The following COL9A3 variants were observed in gnomAD, a reference collection of about 807,000 sequenced individuals.
The protein encoded by COL9A3 is collagen alpha-3(IX) chain.
A neutral mutation model predicts 110.2 loss-of-function variants in COL9A3; 82 were observed. The ratio of observed to expected loss-of-function variants is 0.74; its 90% confidence interval spans 0.62 to 0.89. COL9A3 has a LOEUF of 0.89. Among genes scored for constraint, COL9A3 ranks in the 40% least tolerant of loss-of-function variants. The pLI is 0.00. For missense variants in COL9A3, 1,066 were observed against 981.3 expected (o/e 1.09, Z -1.15); for synonymous variants, 494 against 403.8 (o/e 1.22, Z -2.68).
chr20:62,819,247 C>T lies in COL9A3; in HGVS notation c.209C>T (p.Pro70Leu), dbSNP rs143307835. ...GGACCAAAGGGGGCCCCAGGAAAGC[C>T]GGGGAAACCAGGAGAGGCTGGGCTG... Reference protein sequence around the residue: ...PPGPKGAPGKPGKPGEAGLPG... With the variant: ...PPGPKGAPGKLGKPGEAGLPG... The change falls in exon 4 of 32, where the codon CCG becomes CTG. Residue 70 changes from proline to leucine, a missense_variant. By Grantham distance (98) the Pro-to-Leu change is moderately conservative. Coordinates refer to ENST00000649368, the MANE Select transcript of COL9A3 (RefSeq NM_001853.4). 2.4e-3 allele frequency: 3,936 copies of T among 1,612,712 alleles called. 93 individuals are homozygous for T. Among genetic ancestry groups the T allele is most frequent in the Middle Eastern group, 1.8e-3 (11 of 6,012 alleles).
rs1404631585 is a variant in COL9A3 at position 62,819,431 on chromosome 20, C to T, written c.255+138C>T. ...CCTGAGAGAAGTCTCCAGAAGTCCC[C>T]AACAGGGGTCCTTTGGCCTTCATCC... On this transcript the variant is annotated intron_variant, in intron 4 of 31. Transcript: ENST00000649368. 2.1e-5 allele frequency: 17 copies of T among 822,896 alleles called. No homozygotes were observed. In the East Asian group the frequency reaches 4.5e-4, roughly 22 times the overall value. 51.0% of individuals were successfully genotyped at this position (822,896 alleles called of 1,614,324 possible).
chr20:62,828,678 G>A, intron 17 of COL9A3, 86 bp from the exon 18 acceptor site: 1 of 1,461,480 alleles, frequency 6.8e-7, no homozygotes, highest in Non-Finnish European at 9.5e-7. Context: ...TAGGTTGATG[G>A]GGAAGGAGGC....
chr20:62,822,737 C>T (rs1379190362), intron 10 of COL9A3, 105 bp downstream of exon 10: 1 of 1,239,868 alleles, frequency 8.1e-7, no homozygotes, highest in South Asian at 1.2e-5. Context: ...GAAGGCAGGG[C>T]CCGAGCCCTC....
At chr20:62,816,300 G>T (rs1990902657), upstream of COL9A3, 1 of 152,262 alleles carries the variant, frequency 6.6e-6, no homozygotes, top group Non-Finnish European at 1.5e-5. Flanking sequence ...AAATGGACAT[G>T]GCCAGCACCG....
At chr20:62,816,216 T>G (rs1330732591), upstream of COL9A3, 1 of 152,126 alleles carries the variant, frequency 6.6e-6, no homozygotes, top group Non-Finnish European at 1.5e-5. Context: ...AAGCTTTGAG[T>G]CCCCTAGGGC....
rs200730046 is a variant in COL9A3, at chr20:62,828,846, A to C, written c.954+29A>C. ...GGCATGGGGCTCAGGGTGTGACGGGAGGGAGGGGGCTGGAGGGGAGTTCGG... is the reference window on the plus strand; with the variant it reads ...GGCATGGGGCTCAGGGTGTGACGGGCGGGAGGGGGCTGGAGGGGAGTTCGG... On this transcript the variant is annotated intron_variant, in intron 18 of 31. Coordinates refer to ENST00000649368, the MANE Select transcript of COL9A3 (RefSeq NM_001853.4). The C allele has an allele frequency of 8.5e-4, 1,373 of 1,612,492 alleles. 23 individuals carry two copies. The African/African-American group carries it at 0.017, about 20-fold the overall frequency.
At chr20:62,822,844 G>A (rs138160139) in intron 10 of COL9A3, among the ~76,000 whole-genome samples, 5 of 145,114 alleles carry the variant, frequency 3.4e-5, no homozygotes, top group Admixed American at 2.0e-4. Context: ...CCTCACCACC[G>A]TCTAGACCTG....
At position 62,835,559 on chromosome 20, in the gene COL9A3, C is replaced by G. The variant is rs192736391; in HGVS notation, c.1369-362C>G. Among the ~76,000 whole-genome samples the G allele has an allele frequency of 2.9e-3, 448 of 152,282 alleles. 2 individuals carry two copies. Among genetic ancestry groups the G allele is most frequent in the African/African-American group, 9.9e-3 (410 of 41,552 alleles). ...GTGTGTTGACGCACCTGGGGCCAGTCATTCCTGAGGACCCAGCTGGAGGGG... is the reference window on the plus strand; with the variant it reads ...GTGTGTTGACGCACCTGGGGCCAGTGATTCCTGAGGACCCAGCTGGAGGGG... On this transcript the variant is annotated intron_variant, in intron 26 of 31. Coordinates refer to ENST00000649368, the MANE Select transcript of COL9A3 (RefSeq NM_001853.4).
At chr20:62,826,122 G>T (rs1391864322) in intron 13 of COL9A3, 82 bp from the exon 14 acceptor site, 2 of 1,437,632 alleles carry the variant, frequency 1.4e-6, no homozygotes, top group Non-Finnish European at 1.9e-6. Flanking sequence ...GCTCCCAGGG[G>T]TACCCCGAGG....
chr20:62,819,334 C>A, intron 4 of COL9A3, 41 bp downstream of exon 4: 1 of 1,572,132 alleles, frequency 6.4e-7, no homozygotes, highest in Non-Finnish European at 8.7e-7. Context: ...CCACTCCCCG[C>A]TCCGGGTCCC....
At chr20:62,837,842 T>C (rs6512318) in intron 30 of COL9A3, among the ~76,000 whole-genome samples, 39,131 of 150,500 alleles carry the variant, frequency 0.26, 6,692 homozygotes, top group African/African-American at 0.5. Flanking sequence ...AATGGCCGGG[T>C]GCGGTGGCTC....
Position 62,826,274 on chromosome 20 carries a change from C to T in COL9A3, c.738+17C>T. The stretch of plus-strand genomic sequence containing the variant: ...GGGGACCGGGTAAGTCCTGCAGCCC[C>T]TAGTGGGGGCCGGCCAGGTGGCTGG... On this transcript the variant is annotated intron_variant, in intron 14 of 31. Coordinates refer to ENST00000649368, the MANE Select transcript of COL9A3 (RefSeq NM_001853.4). 1 of 1,547,080 alleles carries T rather than the reference C, an allele frequency of 6.5e-7. No individual in the cohort carries two copies. Among genetic ancestry groups the T allele is most frequent in the Non-Finnish European group, 8.7e-7 (1 of 1,146,752 alleles).
rs893779496 is a variant in COL9A3, at chr20:62,819,377, G to A, written c.255+84G>A. The A allele has an allele frequency of 2.3e-6, 3 of 1,329,098 alleles. No individual in the cohort carries two copies. The African/African-American group carries it at 4.3e-5, about 19-fold the overall frequency. The allele number at this position is 1,329,098 out of a possible 1,614,324, so 82.3% of individuals were successfully genotyped here. ...GTCCGGCCCTAATTGCTGTTGTCCA[G>A]CTGGGCCTGCTCAGGCGGGAAGCCC... On this transcript the variant is annotated intron_variant, in intron 4 of 31. Transcript: ENST00000649368.
At chr20:62,818,377 C>T (rs954128767) in intron 2 of COL9A3, 141 bp from the exon 3 acceptor site, 29 of 806,488 alleles carry the variant, frequency 3.6e-5, no homozygotes, top group African/African-American at 5.0e-5. Flanking sequence ...AGGTAGGGAT[C>T]GGGGGCTCAG....
At position 62,840,845 on chromosome 20, in the gene COL9A3, C is replaced by A; in HGVS notation, c.*113C>A. On this transcript the variant is annotated 3_prime_UTR_variant, in exon 32 of 32. Transcript: ENST00000649368. ...CCAGGAGAGGGAGCGCCCCTGGCTG[C>A]CCCTCGGCCGCCGACTGGACGCGCG... 5.4e-6 allele frequency: 7 copies of A among 1,307,948 alleles called. No homozygotes were observed. The highest frequency in any genetic ancestry group is 7.5e-6 in the Non-Finnish European group (7 of 931,344). The allele number at this position is 1,307,948 out of a possible 1,614,324, so 81.0% of individuals were successfully genotyped here.
chr20:62,835,343 C>G (rs1043499317), intron 26 of COL9A3, among the ~76,000 whole-genome samples: 3 of 152,178 alleles, frequency 2.0e-5, no homozygotes, highest in African/African-American at 7.2e-5. Flanking sequence ...GGCAGAAGGG[C>G]CAAGAGGAGG....
At chr20:62,838,194 G>C (rs972298846) in intron 30 of COL9A3, among the ~76,000 whole-genome samples, 2 of 152,242 alleles carry the variant, frequency 1.3e-5, no homozygotes, top group African/African-American at 2.4e-5. Context: ...TCAGCAGCAG[G>C]CATAGGTTCT....
At position 62,832,187 on chromosome 20, in the gene COL9A3, C is replaced by G; in HGVS notation, c.1321C>G (p.Gln441Glu). ...AGGTGCCGCAGGCCCTAAGGGAGAC[C>G]AGGTGAGCTGGGCACAGGCTGGGGC... ...PGGAAGPKGDQGIAGSDGLPG... is the reference protein window; with the variant it reads ...PGGAAGPKGDEGIAGSDGLPG... The change falls in exon 25 of 32, where the codon CAG becomes GAG. Residue 441 changes from glutamine (Q) to glutamate (E), a missense_variant and splice_region_variant. Gln to Glu is a conservative substitution (Grantham distance 29, BLOSUM62 2). Coordinates refer to ENST00000649368, the MANE Select transcript of COL9A3 (RefSeq NM_001853.4). 1.2e-6 allele frequency: 2 copies of G among 1,612,842 alleles called. No individual in the cohort carries two copies. The highest frequency in any genetic ancestry group is 1.7e-6 in the Non-Finnish European group (2 of 1,179,718).
At chr20:62,832,294 C>T in intron 25 of COL9A3, 105 bp downstream of exon 25, 1 of 1,134,398 alleles carries the variant, frequency 8.8e-7, no homozygotes, top group Non-Finnish European at 1.3e-6. Context: ...TTTCGGGACA[C>T]TGAGCCTCCT....
Sources: gnomAD v4.1 joint callset for allele counts (sites outside exome capture counted in the v4.1 genomes callset) on GRCh38, gnomAD v4.1.1 for gene constraint, MANE v1.5 for transcripts, NCBI Gene and HGNC (gene_info 2026-07-23, HGNC 2026-07-21) for gene names.